C1orf174: variants seen among roughly 807,000 people sequenced by gnomAD.
C1orf174 encodes the protein UPF0688 protein C1orf174.
In C1orf174, 13 loss-of-function variants were observed where a neutral mutation model predicts 18.4. The observed-to-expected ratio is 0.71, with a 90% confidence interval of 0.46 to 1.12. The LOEUF is 1.12. Among genes scored for constraint, C1orf174 ranks in the 50% most tolerant of loss-of-function variants. The pLI is 0.00. For synonymous variants in C1orf174, 100 were observed against 118.3 expected, an observed-to-expected ratio of 0.85 and a Z score of 1.01; for missense variants, 309 against 308.0, an observed-to-expected ratio of 1.00 and a Z score of -0.02.
In C1orf174 at chr1:3,900,254, A is replaced by T; in HGVS notation, c.-68T>A. On this transcript the variant is annotated 5_prime_UTR_variant, in exon 1 of 4. Transcript: ENST00000361605. ...GCGTCCCGGCGGAGCGGCGACCCGG[A>T]GTCTGCAGAGCGCGCCGCGGCGGCG... is the stretch of plus-strand genomic sequence containing the variant. 1 of 1,420,778 alleles carries T rather than the reference A, an allele frequency of 7.0e-7. No individual in the cohort carries two copies. The highest frequency in any genetic ancestry group is 9.2e-7 in the Non-Finnish European group (1 of 1,091,420). The allele number at this position is 1,420,778 out of a possible 1,614,324, so 88.0% of individuals were successfully genotyped here.
In C1orf174 at chr1:3,891,220, A is replaced by G; in HGVS notation, c.130-163T>C. The G allele has an allele frequency of 8.0e-6, 7 of 875,088 alleles. No individual in the cohort carries two copies. The South Asian group carries it at 1.2e-4, about 15-fold the overall frequency. The allele number at this position is 875,088 out of a possible 1,614,324, so 54.2% of individuals were successfully genotyped here. ...CTGTTTTGCCACCAAGGGACAAAAT[A>G]CAAGCGAGACTGAATCTAGACACAC... On this transcript the variant is annotated intron_variant, in intron 2 of 3. Transcript: ENST00000361605.
intron 1 of C1orf174, among the ~76,000 whole-genome samples, chr1:3,894,508 G>A (rs1333891244): frequency 6.6e-6 from 1 of 151,064 alleles, no homozygotes; most frequent in African/African-American, 2.4e-5. Context: ...TTGGGAGGCT[G>A]AGGCAGGAGA....
intron 1 of C1orf174, among the ~76,000 whole-genome samples, chr1:3,893,393 T>G (rs1205385472): frequency 6.6e-6 from 1 of 152,176 alleles, no homozygotes; most frequent in Non-Finnish European, 1.5e-5. Flanking sequence ...GAAACCAAAG[T>G]TTCTCTTCCT....
At chr1:3,899,120 G>A (rs1638660386) in intron 1 of C1orf174, among the ~76,000 whole-genome samples, 1 of 152,120 alleles carries the variant, frequency 6.6e-6, no homozygotes, top group African/African-American at 2.4e-5. Flanking sequence ...CTTAAAGAAG[G>A]AACAGGGGAA....
chr1:3,893,830 G>A (rs1253403729), intron 1 of C1orf174, among the ~76,000 whole-genome samples: 2 of 152,212 alleles, frequency 1.3e-5, no homozygotes, highest in African/African-American at 4.8e-5. Flanking sequence ...CCAGGAGTCT[G>A]AGGCTGTAGT....
Position 3,889,700 on chromosome 1 carries a change from GAAAAAAAAAAAAAA to G in C1orf174, c.*246_*259del. On this transcript the variant is annotated 3_prime_UTR_variant, in exon 4 of 4. Coordinates refer to ENST00000361605, the MANE Select transcript of C1orf174 (RefSeq NM_207356.3). ...ACAAGAGAGAAACTCTGTCTCCAAGGAAAAAAAAAAAAAAAAAAAAAGAAAGGACATTGGCACAG... is the reference window on the plus strand; with the variant it reads ...ACAAGAGAGAAACTCTGTCTCCAAGGAAAAAAAGAAAGGACATTGGCACAG... 7.0e-6 allele frequency: 1 copy of G among 143,412 alleles called. No individual in the cohort carries two copies. Among genetic ancestry groups the G allele is most frequent in the Admixed American group, 8.8e-5 (1 of 11,416 alleles). The allele number at this position is 143,412 out of a possible 1,614,324, so 8.9% of individuals were successfully genotyped here.
chr1:3,891,583 C>T (rs1390762830), intron 2 of C1orf174: 11 of 987,994 alleles, frequency 1.1e-5, no homozygotes, highest in Non-Finnish European at 1.3e-5. Context: ...TGGCCAAGTC[C>T]TAACCCCTCA....
chr1:3,890,546 G>A, intron 3 of C1orf174, 23 bp downstream of exon 3: 1 of 1,610,988 alleles, frequency 6.2e-7, no homozygotes, highest in Non-Finnish European at 8.5e-7. Flanking sequence ...GTACCCACGG[G>A]AGGAGGAAGG....
At chr1:3,900,085 C>G in intron 1 of C1orf174, 87 bp downstream of exon 1, 1 of 1,480,308 alleles carries the variant, frequency 6.8e-7, no homozygotes, top group South Asian at 1.3e-5. Flanking sequence ...ACAGGCACCC[C>G]GTGACCCCGC....
At chr1:3,892,581 G>A (rs1263455722) in intron 2 of C1orf174, 3 of 271,960 alleles carry the variant, frequency 1.1e-5, no homozygotes, top group Non-Finnish European at 1.9e-5. Flanking sequence ...CGGGTGGGCG[G>A]GTGCTAGGAT....
At chr1:3,894,261 C>T (rs115924488) in intron 1 of C1orf174, among the ~76,000 whole-genome samples, 1,898 of 151,990 alleles carry the variant, frequency 0.012, 41 homozygotes, top group African/African-American at 0.043. Flanking sequence ...CCCTGCCCAA[C>T]AGCAGATAAG....
rs748912180 is a variant in C1orf174, at chr1:3,893,011, A to C, written c.16-15T>G. On this transcript the variant is annotated splice_polypyrimidine_tract_variant and intron_variant, in intron 1 of 3. Transcript: ENST00000361605. The stretch of plus-strand genomic sequence containing the variant: ...GCACCTGTGAGCTAGAGAGATTGAG[A>C]GCCACTCAGAGAGTGCTCTCAGGAA... 6.2e-7 allele frequency: 1 copy of C among 1,612,714 alleles called. No individual in the cohort carries two copies. The highest frequency in any genetic ancestry group is 1.1e-5 in the South Asian group (1 of 90,834).
chr1:3,897,890 C>G (rs1203079503), intron 1 of C1orf174, among the ~76,000 whole-genome samples: 4 of 152,108 alleles, frequency 2.6e-5, no homozygotes, highest in Non-Finnish European at 5.9e-5. Context: ...GTATCAATCT[C>G]CTGACCTTGT....
In C1orf174 at chr1:3,892,833, A is replaced by T. The variant is rs371529986; in HGVS notation, c.129+50T>A. 5.2e-5 allele frequency: 82 copies of T among 1,591,912 alleles called. No individual in the cohort carries two copies. In the African/African-American group the frequency reaches 9.7e-4, roughly 19 times the overall value. ...CTTGGAGTGGCAATTTTGTATAAAAATGGACCCTCGAGTCAGGATCTTGGC... is the reference window on the plus strand; with the variant it reads ...CTTGGAGTGGCAATTTTGTATAAAATTGGACCCTCGAGTCAGGATCTTGGC... On this transcript the variant is annotated intron_variant, in intron 2 of 3. Transcript: ENST00000361605.
intron 1 of C1orf174, among the ~76,000 whole-genome samples, chr1:3,893,210 A>G (rs1240697654): frequency 6.6e-6 from 1 of 152,154 alleles, no homozygotes; most frequent in Non-Finnish European, 1.5e-5. Context: ...ACGATTTTGG[A>G]GGCTTGGGAC....
chr1:3,899,194 T>C (rs111398676), intron 1 of C1orf174, among the ~76,000 whole-genome samples: 2,689 of 152,242 alleles, frequency 0.018, 31 homozygotes, highest in Non-Finnish European at 0.027. Flanking sequence ...CTAACTACAG[T>C]GTATCAATAA....
chr1:3,893,082 C>G, intron 1 of C1orf174, 86 bp from the exon 2 acceptor site: 2 of 1,405,700 alleles, frequency 1.4e-6, no homozygotes, highest in Admixed American at 4.2e-5. Flanking sequence ...AAAGAACACC[C>G]GAAGACCGCC....
chr1:3,893,291 C>T (rs560124837), intron 1 of C1orf174, among the ~76,000 whole-genome samples: 24 of 152,274 alleles, frequency 1.6e-4, no homozygotes, highest in Non-Finnish European at 3.4e-4. Flanking sequence ...AAGTCAACTT[C>T]AAAGTGTTTA....
At chr1:3,900,107 A>G in intron 1 of C1orf174, 65 bp downstream of exon 1, 2 of 1,541,796 alleles carry the variant, frequency 1.3e-6, no homozygotes, top group South Asian at 1.2e-5. Flanking sequence ...CCGGTTCTCC[A>G]GACAGCAGGT....
Sources: gnomAD v4.1 joint callset for allele counts (sites outside exome capture counted in the v4.1 genomes callset) on GRCh38, gnomAD v4.1.1 for gene constraint, MANE v1.5 for transcripts, NCBI Gene and HGNC (gene_info 2026-07-23, HGNC 2026-07-21) for gene names.